VSTM5: variants seen among roughly 807,000 people sequenced by gnomAD.
VSTM5 encodes V-set and transmembrane domain-containing protein 5.
In VSTM5, 21 loss-of-function variants were observed where a neutral mutation model predicts 20.3. The ratio of observed to expected loss-of-function variants is 1.03; its 90% CI spans 0.73 to 1.49. VSTM5 has a LOEUF of 1.49. Among genes scored for constraint, VSTM5 ranks in the 40% most tolerant of loss-of-function variants. VSTM5 has a pLI of 0.00. For missense variants in VSTM5, 219 were observed against 250.0 expected (o/e 0.88, Z 0.84); for synonymous variants, 100 against 102.5 (o/e 0.98, Z 0.14).
At chr11:93,842,308 A>C (rs1944376801) in intron 1 of VSTM5, among the ~76,000 whole-genome samples, 1 of 152,178 alleles carries the variant, frequency 6.6e-6, no homozygotes, top group Non-Finnish European at 1.5e-5. Context: ...TCTGCTCCAG[A>C]TCACATAATG....
At chr11:93,828,041 A>G (rs1944253124) in intron 1 of VSTM5, among the ~76,000 whole-genome samples, 2 of 152,288 alleles carry the variant, frequency 1.3e-5, no homozygotes, top group Admixed American at 1.3e-4. Flanking sequence ...TTATTTATTG[A>G]GTTAATAATT....
intron 1 of VSTM5, among the ~76,000 whole-genome samples, chr11:93,840,297 C>T (rs940467409): frequency 5.3e-5 from 8 of 152,224 alleles, no homozygotes; most frequent in African/African-American, 1.7e-4. Flanking sequence ...GGTTTTACAA[C>T]ATTCTCCTGG....
At chr11:93,846,928 G>A (rs571317999) in intron 1 of VSTM5, among the ~76,000 whole-genome samples, 16 of 151,776 alleles carry the variant, frequency 1.1e-4, no homozygotes, top group East Asian at 3.9e-4. Context: ...CACCACGCCC[G>A]GCTAATTTTT....
chr11:93,832,901 A>C (rs1264001327), intron 1 of VSTM5, among the ~76,000 whole-genome samples: 1 of 152,202 alleles, frequency 6.6e-6, no homozygotes, highest in African/African-American at 2.4e-5. Context: ...ATAGAGGTGG[A>C]GTTTTACATT....
rs1014931096 is a variant in VSTM5, at chr11:93,820,743, C to T, written c.559G>A (p.Glu187Lys). 1 of 1,551,692 alleles carries T rather than the reference C, an allele frequency of 6.4e-7. No individual in the cohort carries two copies. Among genetic ancestry groups the T allele is most frequent in the Non-Finnish European group, 8.7e-7 (1 of 1,146,992 alleles). The change falls in exon 3 of 4, where the codon GAA (glutamate) becomes AAA (lysine). Residue 187 changes from glutamate to lysine, a missense_variant and splice_region_variant. Glu to Lys is a moderately conservative substitution (Grantham distance 56). Coordinates refer to ENST00000409977, the MANE Select transcript of VSTM5 (RefSeq NM_001144871.2). ...FQRKRRHKLK[E>K]STTEEIELED... ...ATTATCACAAGGCCCAGGGGGTTAC[C>T]TTTGAGTTTGTGTCTTCTCTTCCTC...
At position 93,850,523 on chromosome 11, in the gene VSTM5, G is replaced by A; in HGVS notation, c.-21C>T. 2 of 1,540,702 alleles carry A rather than the reference G, an allele frequency of 1.3e-6. No homozygotes were observed. The highest frequency in any genetic ancestry group is 1.2e-5 in the South Asian group (1 of 83,182). On this transcript the variant is annotated 5_prime_UTR_variant, in exon 1 of 4. Coordinates refer to ENST00000409977, the MANE Select transcript of VSTM5 (RefSeq NM_001144871.2). ...CTCATGGGCGAGCCCGGGGCCTCGC[G>A]GGCCGGGGTGTGTGCTGGCCGCACC...
chr11:93,826,689 G>T (rs926910412), intron 1 of VSTM5, among the ~76,000 whole-genome samples: 5 of 152,044 alleles, frequency 3.3e-5, no homozygotes, highest in African/African-American at 7.2e-5. Flanking sequence ...ATGAGCCACC[G>T]TGCCCAGCCC....
intron 1 of VSTM5, among the ~76,000 whole-genome samples, chr11:93,832,929 A>T (rs1591399589): frequency 6.6e-6 from 1 of 152,180 alleles, no homozygotes. Flanking sequence ...TGTTTCCCAG[A>T]ATAGCACATG....
chr11:93,842,542 G>T (rs535874246), intron 1 of VSTM5, among the ~76,000 whole-genome samples: 1 of 152,344 alleles, frequency 6.6e-6, no homozygotes, highest in African/African-American at 2.4e-5. Flanking sequence ...AGGAAGCAAG[G>T]CATGACAGCA....
intron 1 of VSTM5, among the ~76,000 whole-genome samples, chr11:93,825,995 G>A (rs1215463182): frequency 1.3e-5 from 2 of 151,822 alleles, no homozygotes; most frequent in East Asian, 1.9e-4. Flanking sequence ...CCAGCACTTC[G>A]AGAGGCCAGT....
chr11:93,847,537 T>C (rs998552710), intron 1 of VSTM5, among the ~76,000 whole-genome samples: 2 of 152,236 alleles, frequency 1.3e-5, no homozygotes, highest in African/African-American at 4.8e-5. Context: ...GGGAGCTGAC[T>C]GTTACTTAGA....
Position 93,820,424 on chromosome 11 carries a change from G to A in VSTM5, c.*145C>T. On this transcript the variant is annotated 3_prime_UTR_variant, in exon 4 of 4. Transcript: ENST00000409977. ...TCCCATCCACAGTCCTCAACTCCATGCAGTCAATGTTGTTAATCTCCCACT... is the reference window on the plus strand; with the variant it reads ...TCCCATCCACAGTCCTCAACTCCATACAGTCAATGTTGTTAATCTCCCACT... 1 of 809,462 alleles carries A rather than the reference G, an allele frequency of 1.2e-6. No individual in the cohort carries two copies. Among genetic ancestry groups the A allele is most frequent in the South Asian group, 1.7e-5 (1 of 57,664 alleles). The allele number at this position is 809,462 out of a possible 1,614,324, so 50.1% of individuals were successfully genotyped here. A position where few individuals can be genotyped will look rare whatever the true frequency, so the allele number is the denominator to read the frequency against.
rs113597897 is a variant in VSTM5, at chr11:93,848,543, A to G, written c.91+1869T>C. Among the ~76,000 whole-genome samples, 1,205 of 152,178 alleles carry G rather than the reference A, an allele frequency of 7.9e-3. 17 individuals are homozygous for G. Among genetic ancestry groups the G allele is most frequent in the African/African-American group, 0.027 (1,139 of 41,498 alleles). On this transcript the variant is annotated intron_variant, in intron 1 of 3. Coordinates refer to ENST00000409977, the MANE Select transcript of VSTM5 (RefSeq NM_001144871.2). ...TTGTCCTGTCCCCCGAGCTGCTCCTACCCATCTGGCAGGTATGGGCAGGTG... is the reference window on the plus strand; with the variant it reads ...TTGTCCTGTCCCCCGAGCTGCTCCTGCCCATCTGGCAGGTATGGGCAGGTG...
At chr11:93,842,324 G>C (rs961291888) in intron 1 of VSTM5, among the ~76,000 whole-genome samples, 1 of 152,226 alleles carries the variant, frequency 6.6e-6, no homozygotes, top group East Asian at 1.9e-4. Context: ...TAATGGAACT[G>C]GAATAAGCAC....
intron 1 of VSTM5, among the ~76,000 whole-genome samples, chr11:93,836,045 C>T (rs76445853): frequency 0.023 from 3,459 of 152,252 alleles, 124 homozygotes; most frequent in African/African-American, 0.079. Context: ...AAGGCTCTCC[C>T]AGCCAGTCAG....
chr11:93,838,766 C>T (rs1217739922), intron 1 of VSTM5, among the ~76,000 whole-genome samples: 1 of 152,172 alleles, frequency 6.6e-6, no homozygotes, highest in Non-Finnish European at 1.5e-5. Context: ...CCACTGCTCT[C>T]CAGCCTGGGT....
intron 1 of VSTM5, among the ~76,000 whole-genome samples, chr11:93,826,685 C>T (rs1944241731): frequency 6.6e-6 from 1 of 152,160 alleles, no homozygotes; most frequent in African/African-American, 2.4e-5. Context: ...AAGCATGAGC[C>T]ACCGTGCCCA....
intron 1 of VSTM5, among the ~76,000 whole-genome samples, chr11:93,829,962 A>C (rs968840149): frequency 6.6e-6 from 1 of 152,366 alleles, no homozygotes; most frequent in Middle Eastern, 3.4e-3. Flanking sequence ...AAAGGCACTC[A>C]TTTAAGGTGG....
At position 93,850,528 on chromosome 11, in the gene VSTM5, G is replaced by T. The variant is rs761555905; in HGVS notation, c.-26C>A. ...GGGCGAGCCCGGGGCCTCGCGGGCC[G>T]GGGTGTGTGCTGGCCGCACCGCGCT... is the stretch of plus-strand genomic sequence containing the variant. On this transcript the variant is annotated 5_prime_UTR_variant, in exon 1 of 4. Transcript: ENST00000409977. The T allele has an allele frequency of 7.4e-5, 114 of 1,531,662 alleles. No individual in the cohort carries two copies. In the Admixed American group the frequency reaches 1.2e-3, roughly 16 times the overall value. 94.9% of individuals were successfully genotyped at this position (1,531,662 alleles called of 1,614,324 possible). A position where few individuals can be genotyped will look rare whatever the true frequency, so the allele number is the denominator to read the frequency against.
Sources: gnomAD v4.1 joint callset for allele counts (sites outside exome capture counted in the v4.1 genomes callset) on GRCh38, gnomAD v4.1.1 for gene constraint, MANE v1.5 for transcripts, NCBI Gene and HGNC (gene_info 2026-07-23, HGNC 2026-07-21) for gene names.